Variants in MED12L observed in about 807,000 individuals in gnomAD.
MED12L encodes the protein mediator of RNA polymerase II transcription subunit 12-like protein.
A neutral mutation model predicts 281.3 loss-of-function variants in MED12L; 60 were observed. The observed-to-expected ratio is 0.21, with a 90% CI of 0.17 to 0.26. The LOEUF is 0.26. Ranked by LOEUF, MED12L falls within the 10% of genes least tolerant of loss-of-function variation. The probability of loss-of-function intolerance (pLI) is 1.00; values close to 1 mark genes in which losing one functional copy is unlikely to be tolerated. For missense variants in MED12L, 2,146 were observed against 2,680.9 expected (o/e 0.80, Z 4.41); for synonymous variants, 974 against 987.2 (o/e 0.99, Z 0.25).
chr3:151,125,464 TC>T (rs1261189300), intron 4 of MED12L, among the ~76,000 whole-genome samples: 3 of 152,208 alleles, frequency 2.0e-5, no homozygotes, highest in Non-Finnish European at 4.4e-5. Context: ...TTTTATTTTT[TC>T]CCCTCTGCCA....
intron 19 of MED12L, among the ~76,000 whole-genome samples, chr3:151,356,250 A>G (rs989282653): frequency 1.3e-5 from 2 of 152,084 alleles, no homozygotes; most frequent in Admixed American, 1.3e-4. Context: ...AAATTTAAAA[A>G]TTAGCTGGTT....
rs180769797 is a variant in MED12L, at chr3:151,222,363, G to C, written c.2250+28697G>C. Among the ~76,000 whole-genome samples, 11 of 152,196 alleles carry C rather than the reference G, an allele frequency of 7.2e-5. No homozygotes were observed. The East Asian group carries it at 1.5e-3, about 21-fold the overall frequency. ...ATGTGAAGATATGAGATTTGGGAGC[G>C]GTCAGAGGTGGAATGATATGGTTTG... On this transcript the variant is annotated intron_variant, in intron 16 of 44. Coordinates refer to ENST00000687756, the MANE Select transcript of MED12L (RefSeq NM_001393769.1).
Position 151,374,567 on chromosome 3 carries a change from G to GAA in MED12L, c.3865-1457_3865-1456dup, listed in dbSNP as rs775191184. On this transcript the variant is annotated intron_variant, in intron 27 of 44. Coordinates refer to ENST00000687756, the MANE Select transcript of MED12L (RefSeq NM_001393769.1). ...TGTCTCAAAGAAAGAAAGAAAGAAA[G>GAA]AAAGAAATGTTACACACATACCACT... 5.7e-4 allele frequency among the ~76,000 whole-genome samples: 87 copies of GAA among 152,000 alleles called. 2 individuals carry two copies. The highest frequency in any genetic ancestry group is 9.0e-4 in the Non-Finnish European group (61 of 67,936).
At chr3:151,098,234 T>C (rs967155601) in intron 2 of MED12L, among the ~76,000 whole-genome samples, 17 of 152,032 alleles carry the variant, frequency 1.1e-4, no homozygotes, top group African/African-American at 3.1e-4. Context: ...TTTAAGATGA[T>C]TGAGGGTTGC....
At chr3:151,087,927 T>G (rs1185049330) in intron 2 of MED12L, among the ~76,000 whole-genome samples, 4 of 152,124 alleles carry the variant, frequency 2.6e-5, no homozygotes, top group African/African-American at 9.7e-5. Flanking sequence ...CAGCAGTGCT[T>G]TCTGAGTTTG....
At chr3:151,340,391 A>G (rs1577374148) in intron 16 of MED12L, among the ~76,000 whole-genome samples, 1 of 152,084 alleles carries the variant, frequency 6.6e-6, no homozygotes, top group Non-Finnish European at 1.5e-5. Flanking sequence ...GCTTTGTATA[A>G]TTTTTCTTAA....
intron 43 of MED12L, among the ~76,000 whole-genome samples, chr3:151,421,672 G>C (rs138559086): frequency 1.3e-5 from 2 of 152,108 alleles, no homozygotes; most frequent in African/African-American, 4.8e-5. Context: ...ACCTCCCAAA[G>C]TGCTGGGATT....
In MED12L at chr3:151,116,335, C is replaced by T; in HGVS notation, c.100-3C>T. ...TGCTTAATCAATACCGTCTCTTGAA[C>T]AGGATGAACTTACTGCTGTGAATGT... On this transcript the variant is annotated splice_region_variant and splice_polypyrimidine_tract_variant and intron_variant, in intron 2 of 44. Coordinates refer to ENST00000687756, the MANE Select transcript of MED12L (RefSeq NM_001393769.1). 1 of 1,605,184 alleles carries T rather than the reference C, an allele frequency of 6.2e-7. No individual in the cohort carries two copies. The highest frequency in any genetic ancestry group is 2.2e-5 in the East Asian group (1 of 44,736).
At position 151,116,459 on chromosome 3, in the gene MED12L, G is replaced by A; in HGVS notation, c.204+17G>A. 1 of 1,545,790 alleles carries A rather than the reference G, an allele frequency of 6.5e-7. No individual in the cohort carries two copies. Among genetic ancestry groups the A allele is most frequent in the Non-Finnish European group, 8.9e-7 (1 of 1,120,982 alleles). On this transcript the variant is annotated intron_variant, in intron 3 of 44. Coordinates refer to ENST00000687756, the MANE Select transcript of MED12L (RefSeq NM_001393769.1). The stretch of plus-strand genomic sequence containing the variant: ...CCATCAAAGGTAATGTTATTTGTTT[G>A]TTTCCTCAAACTCCTGAAAAAGTGT...
chr3:151,146,554 A>G (rs1360068822), intron 5 of MED12L, among the ~76,000 whole-genome samples: 1 of 151,948 alleles, frequency 6.6e-6, no homozygotes, highest in East Asian at 1.9e-4. Flanking sequence ...ATTTTATTTG[A>G]TCTTGAGCTG....
At position 151,383,066 on chromosome 3, in the gene MED12L, TA is replaced by T. The variant is rs578058087; in HGVS notation, c.4680+322del. Reference sequence around the variant, plus strand: ...GACTGTTATAAGTGTTAGCTTCTACTATACTTACTTAAAACCATTTAAAAAG... The same window carrying T: ...GACTGTTATAAGTGTTAGCTTCTACTTACTTACTTAAAACCATTTAAAAAG... On this transcript the variant is annotated intron_variant, in intron 33 of 44. Transcript: ENST00000687756. Among the ~76,000 whole-genome samples, 209 of 152,374 alleles carry T rather than the reference TA, an allele frequency of 1.4e-3. 2 individuals carry two copies. The highest frequency in any genetic ancestry group is 4.6e-3 in the African/African-American group (191 of 41,594).
intron 16 of MED12L, chr3:151,270,078 AGAT>A: frequency 4.5e-6 from 1 of 223,092 alleles, no homozygotes. Context: ...AAGATGAAGA[AGAT>A]GAAGATGATG....
At chr3:151,336,653 T>C (rs971700919) in intron 16 of MED12L, 2 of 414,070 alleles carry the variant, frequency 4.8e-6, no homozygotes, top group Non-Finnish European at 9.6e-6. Context: ...AGACTGCATG[T>C]TATAAGTCTG....
At chr3:151,202,129 T>C (rs1725694987) in intron 16 of MED12L, among the ~76,000 whole-genome samples, 2 of 152,264 alleles carry the variant, frequency 1.3e-5, no homozygotes, top group Non-Finnish European at 2.9e-5. Context: ...TTGTGAACTT[T>C]TGTCTAAATT....
At chr3:151,174,326 G>A (rs146570062) in intron 11 of MED12L, among the ~76,000 whole-genome samples, 41 of 152,268 alleles carry the variant, frequency 2.7e-4, no homozygotes, top group African/African-American at 9.1e-4. Context: ...ATGCAATTAT[G>A]TATTTCTCAC....
At chr3:151,251,024 CTG>C (rs553682689) in intron 16 of MED12L, among the ~76,000 whole-genome samples, 1 of 152,242 alleles carries the variant, frequency 6.6e-6, no homozygotes, top group Non-Finnish European at 1.5e-5. Flanking sequence ...ATGATTCTCT[CTG>C]TGGTACTTTG....
rs1735535765 is a variant in MED12L, at chr3:151,246,566, A to AT, written c.2250+52901dup. Among the ~76,000 whole-genome samples the AT allele has an allele frequency of 3.3e-5, 5 of 152,314 alleles. No homozygotes were observed. In the South Asian group the frequency reaches 8.3e-4, roughly 25 times the overall value. On this transcript the variant is annotated intron_variant, in intron 16 of 44. Transcript: ENST00000687756. ...ATGGTGCTGGGAAAACTGGCTAGCC[A>AT]TATGTAGAAAGCTGAAACTGGATCC... is the stretch of plus-strand genomic sequence containing the variant.
intron 16 of MED12L, among the ~76,000 whole-genome samples, chr3:151,288,863 T>A (rs1204737365): frequency 2.0e-5 from 3 of 152,320 alleles, no homozygotes; most frequent in East Asian, 3.9e-4. Flanking sequence ...TCGCAGCTCA[T>A]CATGTAAATA....
intron 16 of MED12L, among the ~76,000 whole-genome samples, chr3:151,211,802 G>A (rs1727211636): frequency 6.6e-6 from 1 of 152,070 alleles, no homozygotes; most frequent in Non-Finnish European, 1.5e-5. Flanking sequence ...CGTATGCCAC[G>A]ACGCCTGGCT....
Sources: allele counts gnomAD v4.1 joint callset (sites outside exome capture counted in the v4.1 genomes callset), GRCh38; gene constraint gnomAD v4.1.1; transcripts MANE v1.5; gene names NCBI Gene and HGNC (gene_info 2026-07-23, HGNC 2026-07-21).